The following KBTBD3 variants were observed in gnomAD, a reference collection of about 807,000 sequenced individuals.
KBTBD3 encodes kelch repeat and BTB domain containing 3, also known as kelch repeat and BTB domain-containing protein 3.
In KBTBD3, 38 loss-of-function variants were observed where a neutral mutation model predicts 49.6. The ratio of observed to expected loss-of-function variants is 0.77; its 90% CI spans 0.59 to 1.00. The LOEUF is 1.00. KBTBD3 is among the 50% of genes least tolerant of loss of function. KBTBD3 has a pLI of 0.00. For missense variants in KBTBD3, 661 were observed against 712.0 expected, an observed-to-expected ratio of 0.93 and a Z score of 0.81; for synonymous variants, 214 against 250.4, an observed-to-expected ratio of 0.85 and a Z score of 1.37.
chr11:106,058,462 T>C (rs907693929), intron 3 of KBTBD3, among the ~76,000 whole-genome samples: 1 of 151,770 alleles, frequency 6.6e-6, no homozygotes, highest in East Asian at 2.0e-4. Context: ...TCTCGCTCCA[T>C]TGCCCAGGCT....
Position 106,065,555 on chromosome 11 carries a change from A to G in KBTBD3, c.-12-6446T>C, listed in dbSNP as rs1427316820. 2.0e-5 allele frequency among the ~76,000 whole-genome samples: 3 copies of G among 152,226 alleles called. No homozygotes were observed. In the East Asian group the frequency reaches 5.8e-4, roughly 29 times the overall value. On this transcript the variant is annotated intron_variant, in intron 2 of 3. Transcript: ENST00000531837. ...TATGAAGTTGTCACCTATATCATCA[A>G]AAGGTGATGGGAAAAAAGTCACTGA...
chr11:106,059,970 T>C (rs781739067), intron 2 of KBTBD3, among the ~76,000 whole-genome samples: 34 of 152,332 alleles, frequency 2.2e-4, no homozygotes, highest in Non-Finnish European at 4.6e-4. Flanking sequence ...TCTCTAATGG[T>C]CCTGTGAGTT....
At chr11:106,061,207 A>C (rs1427182842) in intron 2 of KBTBD3, among the ~76,000 whole-genome samples, 1 of 152,192 alleles carries the variant, frequency 6.6e-6, no homozygotes, top group East Asian at 1.9e-4. Context: ...GTGTTCCAAG[A>C]GGCCTAGGTG....
chr11:106,057,495 T>A (rs2135000030), intron 3 of KBTBD3: 1 of 152,336 alleles, frequency 6.6e-6, no homozygotes, highest in South Asian at 2.1e-4. Context: ...CAAAAGGGGC[T>A]TGTCTATTGA....
At chr11:106,073,339 T>A (rs1310535080) in intron 2 of KBTBD3, among the ~76,000 whole-genome samples, 4 of 148,114 alleles carry the variant, frequency 2.7e-5, no homozygotes, top group African/African-American at 9.9e-5. Flanking sequence ...TGGCCTTAAG[T>A]GATCCTCATG....
In KBTBD3 at chr11:106,058,379, T is replaced by TAA. The variant is rs368865758; in HGVS notation, c.233+484_233+485dup. Reference sequence around the variant, plus strand: ...CTGGGCGACAGAGCGAGACTCCCTCTAAAAAAAAAAAAAAATCATTAGTTA... The same window carrying TAA: ...CTGGGCGACAGAGCGAGACTCCCTCTAAAAAAAAAAAAAAAAATCATTAGTTA... On this transcript the variant is annotated intron_variant, in intron 3 of 3. Coordinates refer to ENST00000531837, the MANE Select transcript of KBTBD3 (RefSeq NM_198439.3). 6.1e-3 allele frequency among the ~76,000 whole-genome samples: 852 copies of TAA among 139,862 alleles called. 7 individuals are homozygous for TAA. Among genetic ancestry groups the TAA allele is most frequent in the African/African-American group, 0.02 (779 of 38,304 alleles). 91.8% of individuals were successfully genotyped at this position (139,862 alleles called of 152,430 possible).
At position 106,052,647 on chromosome 11, in the gene KBTBD3, GTTAAA is replaced by G. The variant is rs1212486011; in HGVS notation, c.*198_*202del. On this transcript the variant is annotated 3_prime_UTR_variant, in exon 4 of 4. Coordinates refer to ENST00000531837, the MANE Select transcript of KBTBD3 (RefSeq NM_198439.3). ...TACTAAGTATTCTGGATTCCCCAAG[GTTAAA>G]TTATATTCAGTATAATTTTTGGTAA... The G allele has an allele frequency of 4.3e-5, 21 of 484,750 alleles. No homozygotes were observed. The highest frequency in any genetic ancestry group is 3.3e-5 in the South Asian group (1 of 30,600). The allele number at this position is 484,750 out of a possible 1,614,324, so 30.0% of individuals were successfully genotyped here. A position where few individuals can be genotyped will look rare whatever the true frequency, so the allele number is the denominator to read the frequency against.
intron 3 of KBTBD3, among the ~76,000 whole-genome samples, chr11:106,055,386 T>A (rs1565401438): frequency 6.6e-6 from 1 of 152,192 alleles, no homozygotes; most frequent in Non-Finnish European, 1.5e-5. Flanking sequence ...CAAAGTATAC[T>A]AGGGGAAAAC....
intron 2 of KBTBD3, among the ~76,000 whole-genome samples, chr11:106,061,794 A>ATG (rs1046165049): frequency 6.6e-6 from 1 of 151,966 alleles, no homozygotes; most frequent in African/African-American, 2.4e-5. Flanking sequence ...ATATATATAT[A>ATG]TTACAAACAC....
chr11:106,066,971 C>T (rs527412349), intron 2 of KBTBD3, among the ~76,000 whole-genome samples: 1 of 152,244 alleles, frequency 6.6e-6, no homozygotes, highest in Admixed American at 6.5e-5. Context: ...GAACAACATA[C>T]TGGTGAGTTC....
In KBTBD3 at chr11:106,054,073, C is replaced by A. The variant is rs147038503; in HGVS notation, c.616G>T (p.Glu206Ter). The A allele has an allele frequency of 6.2e-7, 1 of 1,613,524 alleles. No individual in the cohort carries two copies. Among genetic ancestry groups the A allele is most frequent in the Non-Finnish European group, 8.5e-7 (1 of 1,179,762 alleles). ...ATTTCTTCTTCAGGAACATTTAATT[C>A]ATCTGATTCCAGACATTTCTGTAGT... ...GVLQKCLESDELNVPEEEMVL... is the reference protein window; with the variant it reads ...GVLQKCLESD The change falls in exon 4 of 4, where the codon GAA (glutamate) becomes TAA (stop). Residue 206 changes from glutamate to a stop codon, truncating the protein, a stop_gained. Coordinates refer to ENST00000531837, the MANE Select transcript of KBTBD3 (RefSeq NM_198439.3). LOFTEE classifies it high-confidence loss of function.
rs755218919 is a variant in KBTBD3 at position 106,054,446 on chromosome 11, A to C, written c.243T>G (p.Phe81Leu). 1 of 1,540,172 alleles carries C rather than the reference A, an allele frequency of 6.5e-7. No individual in the cohort carries two copies. Among genetic ancestry groups the C allele is most frequent in the Non-Finnish European group, 8.7e-7 (1 of 1,143,082 alleles). Residue 81 changes from phenylalanine (F) to leucine (L), a missense_variant, in exon 4 of 4, where the codon TTT (phenylalanine) becomes TTG (leucine). Phe to Leu is a conservative substitution (Grantham distance 22). Transcript: ENST00000531837. ...AACSDFFRAMFEVNMKERDDG... is the reference protein window; with the variant it reads ...AACSDFFRAMLEVNMKERDDG... ...CATCTCTTTCTTTCATGTTTACTTCAAACATAGCCCTGCAAAAATAAAGAA... is the reference window on the plus strand; with the variant it reads ...CATCTCTTTCTTTCATGTTTACTTCCAACATAGCCCTGCAAAAATAAAGAA...
intron 3 of KBTBD3, among the ~76,000 whole-genome samples, chr11:106,058,250 G>A (rs1012573494): frequency 6.6e-6 from 1 of 151,854 alleles, no homozygotes; most frequent in Non-Finnish European, 1.5e-5. Context: ...CGGGTGTGGT[G>A]GCGGGCACTA....
intron 3 of KBTBD3, among the ~76,000 whole-genome samples, chr11:106,055,163 C>T (rs531128315): frequency 1.3e-5 from 2 of 152,250 alleles, no homozygotes; most frequent in African/African-American, 4.8e-5. Context: ...GAAAGTTCTT[C>T]ATAATAAGTT....
chr11:106,068,691 AAGTG>A (rs1348869694), intron 2 of KBTBD3, among the ~76,000 whole-genome samples: 2 of 151,928 alleles, frequency 1.3e-5, no homozygotes, highest in South Asian at 4.2e-4. Context: ...TAATTTTATG[AAGTG>A]AGTATTACTG....
chr11:106,058,873 G>T lies in KBTBD3; in HGVS notation c.225C>A (p.Asp75Glu). ...TAGACAAGGTAAAGTACCTGAAAAA[G>T]TCACTGCATGCTGCTAACACACAAC... ...CHRCVLAACS[D>E]FFRAMFEVNM... is the part of the protein sequence containing the mutation. Residue 75 changes from aspartate to glutamate, a missense_variant, in exon 3 of 4, where the codon GAC becomes GAA. By Grantham distance (45) the Asp-to-Glu change is conservative (BLOSUM62 2). Transcript: ENST00000531837. 6.4e-7 allele frequency: 1 copy of T among 1,563,024 alleles called. No individual in the cohort carries two copies.
At chr11:106,057,583 T>C (rs73554747) in intron 3 of KBTBD3, 1,650 of 152,784 alleles carry the variant, frequency 0.011, 31 homozygotes, top group African/African-American at 0.037. Context: ...GACCCTTAAC[T>C]TCGCAGAAAT....
chr11:106,063,720 C>T (rs1860750086), intron 2 of KBTBD3, among the ~76,000 whole-genome samples: 2 of 151,886 alleles, frequency 1.3e-5, no homozygotes, highest in East Asian at 1.9e-4. Context: ...ATCACATGGT[C>T]AAGAGATCGA....
At chr11:106,056,825 T>C (rs1404282809) in intron 3 of KBTBD3, among the ~76,000 whole-genome samples, 1 of 152,154 alleles carries the variant, frequency 6.6e-6, no homozygotes, top group Non-Finnish European at 1.5e-5. Context: ...ACCACACAGC[T>C]TCCTGTGATG....
Sources: gnomAD v4.1 joint callset for allele counts (sites outside exome capture counted in the v4.1 genomes callset) on GRCh38, gnomAD v4.1.1 for gene constraint, MANE v1.5 for transcripts, NCBI Gene and HGNC (gene_info 2026-07-23, HGNC 2026-07-21) for gene names.